COL19A1: variants seen among roughly 807,000 people sequenced by gnomAD.
COL19A1 encodes the protein collagen alpha-1(XIX) chain.
A neutral mutation model predicts 190.2 loss-of-function variants in COL19A1; 159 were observed. That is an observed-to-expected ratio of 0.84 (90% CI 0.73 to 0.95). COL19A1 has a LOEUF of 0.95. COL19A1 is among the 40% of genes least tolerant of loss of function. The pLI is 0.00. For missense variants in COL19A1, 1,418 were observed against 1,431.9 expected (o/e 0.99, Z 0.16); for synonymous variants, 509 against 458.9 (o/e 1.11, Z -1.39).
intron 11 of COL19A1, among the ~76,000 whole-genome samples, chr6:69,965,430 T>C (rs1199113631): frequency 6.6e-6 from 1 of 152,024 alleles, no homozygotes; most frequent in Non-Finnish European, 1.5e-5. Context: ...CCATTATGGC[T>C]AAAAAAAACT....
At chr6:70,081,705 C>G (rs1009309736) in intron 15 of COL19A1, among the ~76,000 whole-genome samples, 1 of 151,944 alleles carries the variant, frequency 6.6e-6, no homozygotes, top group Non-Finnish European at 1.5e-5. Flanking sequence ...TGGAAAATGA[C>G]CATGCATGCT....
At chr6:70,142,241 G>C (rs369060602) in intron 22 of COL19A1, among the ~76,000 whole-genome samples, 165 bp downstream of exon 22, 7 of 151,982 alleles carry the variant, frequency 4.6e-5, no homozygotes, top group Non-Finnish European at 7.4e-5. Flanking sequence ...TTTATTACAC[G>C]CATAGTAACT....
chr6:70,167,635 G>A (rs889420859), intron 37 of COL19A1, among the ~76,000 whole-genome samples: 1 of 152,138 alleles, frequency 6.6e-6, no homozygotes, highest in East Asian at 1.9e-4. Flanking sequence ...ATCTTCATCA[G>A]CACTATGGCA....
chr6:69,924,257 C>T (rs1018209938), intron 4 of COL19A1, among the ~76,000 whole-genome samples: 6 of 152,038 alleles, frequency 3.9e-5, no homozygotes, highest in Non-Finnish European at 7.4e-5. Flanking sequence ...CCCCCTTCCC[C>T]CCACCCCATG....
At chr6:70,150,175 C>A in intron 30 of COL19A1, 130 bp downstream of exon 30, 1 of 952,146 alleles carries the variant, frequency 1.1e-6, no homozygotes. Context: ...TGTTTATCCC[C>A]ATTATTTTGT....
Position 69,992,990 on chromosome 6 carries a change from C to T in COL19A1, c.1026+30120C>T, listed in dbSNP as rs77458591. Among the ~76,000 whole-genome samples the T allele has an allele frequency of 8.7e-3, 1,324 of 152,030 alleles. 19 individuals are homozygous for T. Among genetic ancestry groups the T allele is most frequent in the African/African-American group, 0.03 (1,233 of 41,478 alleles). On this transcript the variant is annotated intron_variant, in intron 11 of 50. Coordinates refer to ENST00000620364, the MANE Select transcript of COL19A1 (RefSeq NM_001858.6). ...GCTCTGGCTAGGACTTCCAATACTG[C>T]GTTGAATGGGAGCGATGAGAGAGGC...
intron 11 of COL19A1, among the ~76,000 whole-genome samples, chr6:69,966,262 T>A (rs1424741613): frequency 6.6e-6 from 1 of 152,110 alleles, no homozygotes; most frequent in South Asian, 2.1e-4. Flanking sequence ...CCACCCCGTC[T>A]GGGAGGTGTA....
chr6:70,156,775 G>T, intron 34 of COL19A1, 52 bp downstream of exon 34: 1 of 1,435,744 alleles, frequency 7.0e-7, no homozygotes, highest in South Asian at 1.2e-5. Flanking sequence ...CTCTTTACGT[G>T]GCTCAACAGA....
rs184857484 is a variant in COL19A1, at chr6:70,063,850, T to G, written c.1171-4573T>G. On this transcript the variant is annotated intron_variant, in intron 14 of 50. Transcript: ENST00000620364. ...ACCATAAGAGAATACTATAAACACCTCTATGGAAATAAACTAGAAAATCTA... is the reference window on the plus strand; with the variant it reads ...ACCATAAGAGAATACTATAAACACCGCTATGGAAATAAACTAGAAAATCTA... Among the ~76,000 whole-genome samples, 12 of 152,192 alleles carry G rather than the reference T, an allele frequency of 7.9e-5. No homozygotes were observed. In the East Asian group the frequency reaches 2.3e-3, roughly 29 times the overall value.
chr6:69,957,782 T>A (rs1234396304), intron 9 of COL19A1, among the ~76,000 whole-genome samples: 1 of 152,152 alleles, frequency 6.6e-6, no homozygotes, highest in East Asian at 1.9e-4. Context: ...ATTTTATGAA[T>A]AGAATTAAAT....
chr6:70,186,435 C>A (rs564374833), intron 46 of COL19A1, among the ~76,000 whole-genome samples: 2 of 152,244 alleles, frequency 1.3e-5, no homozygotes, highest in East Asian at 1.9e-4. Context: ...AGCATTGATA[C>A]CAGGCCTAAG....
intron 19 of COL19A1, among the ~76,000 whole-genome samples, chr6:70,138,818 A>T (rs1459766988): frequency 6.6e-6 from 1 of 152,078 alleles, no homozygotes; most frequent in Non-Finnish European, 1.5e-5. Context: ...CAACTACAGG[A>T]TTTGGCAGTC....
intron 15 of COL19A1, among the ~76,000 whole-genome samples, chr6:70,099,243 GTTTCT>G (rs1783479672): frequency 6.6e-6 from 1 of 151,832 alleles, no homozygotes; most frequent in Non-Finnish European, 1.5e-5. Flanking sequence ...GGTGAATCTT[GTTTCT>G]AGTACAGATT....
chr6:69,960,927 G>A (rs530088908), intron 10 of COL19A1, among the ~76,000 whole-genome samples: 2 of 152,172 alleles, frequency 1.3e-5, no homozygotes, highest in Admixed American at 6.5e-5. Flanking sequence ...CACCACACCC[G>A]GCCAGGGCTG....
chr6:70,115,942 G>A (rs1784554478), intron 16 of COL19A1, among the ~76,000 whole-genome samples: 1 of 147,262 alleles, frequency 6.8e-6, no homozygotes, highest in Non-Finnish European at 1.5e-5. Flanking sequence ...CTTAATTTAT[G>A]TAATTAAACC....
chr6:70,155,972 T>G (rs1787404210), intron 31 of COL19A1, among the ~76,000 whole-genome samples, 155 bp from the exon 32 acceptor site: 1 of 152,144 alleles, frequency 6.6e-6, no homozygotes, highest in Admixed American at 6.6e-5. Context: ...AAAATTAATG[T>G]TTTTAAATTG....
chr6:70,158,960 C>T (rs1222955982), intron 34 of COL19A1, among the ~76,000 whole-genome samples: 1 of 152,014 alleles, frequency 6.6e-6, no homozygotes, highest in Non-Finnish European at 1.5e-5. Flanking sequence ...GTAACTTTCA[C>T]TTTTACTACA....
chr6:70,157,686 A>C (rs184319868), intron 34 of COL19A1, among the ~76,000 whole-genome samples: 547 of 152,214 alleles, frequency 3.6e-3, no homozygotes, highest in Admixed American at 6.0e-3. Context: ...TTTCATCCAT[A>C]AATAAAACAT....
intron 5 of COL19A1, among the ~76,000 whole-genome samples, chr6:69,928,484 A>T (rs372453799): frequency 1.3e-5 from 2 of 152,198 alleles, no homozygotes; most frequent in East Asian, 1.9e-4. Context: ...TATGGAACAC[A>T]TACTATATAC....
Sources: gnomAD v4.1 joint callset for allele counts (sites outside exome capture counted in the v4.1 genomes callset) on GRCh38, gnomAD v4.1.1 for gene constraint, MANE v1.5 for transcripts, NCBI Gene and HGNC (gene_info 2026-07-23, HGNC 2026-07-21) for gene names.